The following CACNA2D3 variants were observed in gnomAD, a reference collection of about 807,000 sequenced individuals.
CACNA2D3 encodes calcium voltage-gated channel auxiliary subunit alpha2delta 3.
In CACNA2D3, 60 loss-of-function variants were observed where a neutral mutation model predicts 160.6. The observed-to-expected ratio is 0.37, with a 90% CI of 0.30 to 0.46. The LOEUF is 0.46. Among genes scored for constraint, CACNA2D3 ranks in the 20% least tolerant of loss-of-function variants. The probability of loss-of-function intolerance (pLI) is 1.00; values close to 1 mark genes in which losing one functional copy is unlikely to be tolerated. For missense variants in CACNA2D3, 1,205 were observed against 1,365.0 expected, an observed-to-expected ratio of 0.88 and a Z score of 1.85; for synonymous variants, 558 against 492.9, an observed-to-expected ratio of 1.13 and a Z score of -1.75.
chr3:54,455,081 C>T (rs1401911142), intron 4 of CACNA2D3, among the ~76,000 whole-genome samples: 2 of 152,132 alleles, frequency 1.3e-5, no homozygotes, highest in East Asian at 3.9e-4. Flanking sequence ...CTTCAACATA[C>T]TGACTTCCTT....
At chr3:54,737,679 T>G (rs1231437355) in intron 11 of CACNA2D3, among the ~76,000 whole-genome samples, 1 of 152,130 alleles carries the variant, frequency 6.6e-6, no homozygotes, top group Non-Finnish European at 1.5e-5. Flanking sequence ...CTATCCTCTT[T>G]TTTGAGATGG....
At chr3:54,510,401 A>G (rs1215425308) in intron 5 of CACNA2D3, among the ~76,000 whole-genome samples, 1 of 152,180 alleles carries the variant, frequency 6.6e-6, no homozygotes, top group East Asian at 1.9e-4. Context: ...CTCCAAGGCA[A>G]TTCTTCCACA....
intron 14 of CACNA2D3, among the ~76,000 whole-genome samples, chr3:54,822,588 C>G (rs1388636940): frequency 6.6e-6 from 1 of 152,128 alleles, no homozygotes. Context: ...ATGCAAGACC[C>G]TCAGATTCAA....
At chr3:54,300,762 C>T (rs1703458056) in intron 2 of CACNA2D3, among the ~76,000 whole-genome samples, 1 of 152,106 alleles carries the variant, frequency 6.6e-6, no homozygotes, top group African/African-American at 2.4e-5. Flanking sequence ...CATCTGTAAT[C>T]CAAGCACTTT....
chr3:54,605,134 T>C (rs1389132848), intron 9 of CACNA2D3, among the ~76,000 whole-genome samples: 4 of 152,196 alleles, frequency 2.6e-5, no homozygotes, highest in Non-Finnish European at 5.9e-5. Flanking sequence ...GCATTCTGTG[T>C]GTCTATCTTC....
chr3:54,203,628 T>G (rs1267664754), intron 2 of CACNA2D3, among the ~76,000 whole-genome samples: 1 of 152,184 alleles, frequency 6.6e-6, no homozygotes, highest in Non-Finnish European at 1.5e-5. Flanking sequence ...GGAGATGGTT[T>G]TCCTCTGGAG....
chr3:54,494,574 G>A (rs1161678539), intron 4 of CACNA2D3, among the ~76,000 whole-genome samples: 1 of 152,190 alleles, frequency 6.6e-6, no homozygotes, highest in Non-Finnish European at 1.5e-5. Context: ...TCTATGAAAC[G>A]ATGGAGTGAA....
At chr3:54,411,822 A>C (rs928478199) in intron 4 of CACNA2D3, among the ~76,000 whole-genome samples, 5 of 152,216 alleles carry the variant, frequency 3.3e-5, no homozygotes, top group Admixed American at 6.5e-5. Context: ...AAAAACAAAA[A>C]AGAGCCAGGA....
At position 54,224,823 on chromosome 3, in the gene CACNA2D3, T is replaced by G. The variant is rs1701641306; in HGVS notation, c.205-95619T>G. On this transcript the variant is annotated intron_variant, in intron 2 of 37. Transcript: ENST00000474759. Reference sequence around the variant, plus strand: ...GGTTGCTCTTTATTCTTTCTCATGTTTCAGATTTTCATAAGGGATAATTTT... The same window carrying G: ...GGTTGCTCTTTATTCTTTCTCATGTGTCAGATTTTCATAAGGGATAATTTT... 1.3e-5 allele frequency among the ~76,000 whole-genome samples: 2 copies of G among 152,200 alleles called. 1 individual carries two copies. Among genetic ancestry groups the G allele is most frequent in the South Asian group, 4.2e-4 (2 of 4,816 alleles).
At position 54,727,434 on chromosome 3, in the gene CACNA2D3, T is replaced by G. The variant is rs141161080; in HGVS notation, c.1168-25165T>G. Among the ~76,000 whole-genome samples the G allele has an allele frequency of 6.3e-3, 959 of 152,278 alleles. 12 individuals carry two copies. Among genetic ancestry groups the G allele is most frequent in the Non-Finnish European group, 8.7e-3 (592 of 68,014 alleles). On this transcript the variant is annotated intron_variant, in intron 11 of 37. Transcript: ENST00000474759. Reference sequence around the variant, plus strand: ...ATATACCCAAAAGATTATAAATCATTCTGCTATAAAGACACATGCACACAT... The same window carrying G: ...ATATACCCAAAAGATTATAAATCATGCTGCTATAAAGACACATGCACACAT...
intron 27 of CACNA2D3, among the ~76,000 whole-genome samples, chr3:54,956,829 C>T (rs996278739): frequency 6.6e-6 from 1 of 152,014 alleles, no homozygotes; most frequent in Non-Finnish European, 1.5e-5. Flanking sequence ...CTTGATACCT[C>T]CAGTTTGCAT....
At chr3:54,438,534 G>A (rs1476995334) in intron 4 of CACNA2D3, among the ~76,000 whole-genome samples, 1 of 152,190 alleles carries the variant, frequency 6.6e-6, no homozygotes, top group Non-Finnish European at 1.5e-5. Context: ...AGAAATCAAA[G>A]TGTAATTAAT....
intron 11 of CACNA2D3, among the ~76,000 whole-genome samples, chr3:54,647,125 AAC>A (rs1481996500): frequency 6.6e-6 from 1 of 152,208 alleles, no homozygotes; most frequent in Non-Finnish European, 1.5e-5. Context: ...TGCAGATGAA[AAC>A]ACAGCCCAGT....
intron 4 of CACNA2D3, among the ~76,000 whole-genome samples, chr3:54,401,645 C>G (rs1699467208): frequency 6.6e-6 from 1 of 152,042 alleles, no homozygotes; most frequent in East Asian, 1.9e-4. Context: ...AATACTATAC[C>G]CATTAAAGGT....
intron 2 of CACNA2D3, among the ~76,000 whole-genome samples, chr3:54,205,172 T>C (rs1701252372): frequency 6.6e-6 from 1 of 152,154 alleles, no homozygotes. Context: ...GGGGGGAAAG[T>C]TATCACAGAT....
chr3:54,712,617 GTC>G (rs1167038380), intron 11 of CACNA2D3, among the ~76,000 whole-genome samples: 1 of 152,230 alleles, frequency 6.6e-6, no homozygotes. Context: ...GGAACTGAGA[GTC>G]TATTAAACCT....
chr3:54,781,192 G>A (rs978306325), intron 13 of CACNA2D3, among the ~76,000 whole-genome samples: 8 of 152,214 alleles, frequency 5.3e-5, no homozygotes, highest in African/African-American at 1.9e-4. Flanking sequence ...GGAATGCAGA[G>A]ACACAGCAAG....
intron 5 of CACNA2D3, among the ~76,000 whole-genome samples, chr3:54,550,281 G>A (rs1308826728): frequency 1.3e-5 from 2 of 152,188 alleles, no homozygotes; most frequent in African/African-American, 4.8e-5. Context: ...AGGGGGCCAT[G>A]AGAGAGGAAC....
intron 9 of CACNA2D3, among the ~76,000 whole-genome samples, chr3:54,582,782 T>C (rs371361882): frequency 4.6e-5 from 7 of 152,338 alleles, no homozygotes; most frequent in East Asian, 3.9e-4. Flanking sequence ...TCGTATTGTG[T>C]TGGTGCTATC....
Sources: gnomAD v4.1 joint callset for allele counts (sites outside exome capture counted in the v4.1 genomes callset) on GRCh38, gnomAD v4.1.1 for gene constraint, MANE v1.5 for transcripts, NCBI Gene and HGNC (gene_info 2026-07-23, HGNC 2026-07-21) for gene names.